The following PLEKHG1 variants were observed in gnomAD, a reference collection of about 807,000 sequenced individuals.
PLEKHG1 encodes pleckstrin homology domain-containing family G member 1.
A neutral mutation model predicts 100.8 loss-of-function variants in PLEKHG1; 44 were observed. The observed-to-expected ratio is 0.44, with a 90% confidence interval of 0.34 to 0.56. The LOEUF (loss-of-function observed/expected upper bound fraction) is 0.56. PLEKHG1 is among the 20% of genes least tolerant of loss of function. PLEKHG1 has a pLI of 0.01. For synonymous variants in PLEKHG1, 640 were observed against 662.5 expected (o/e 0.97, Z 0.52); for missense variants, 1,545 against 1,720.9 (o/e 0.90, Z 1.81).
chr6:150,719,729 G>T (rs114029800), upstream of PLEKHG1, among the ~76,000 whole-genome samples: 786 of 152,268 alleles, frequency 5.2e-3, 5 homozygotes, highest in African/African-American at 0.018. Context: ...AAGCCACAGG[G>T]GTTGCTGTGG....
intron 3 of PLEKHG1, among the ~76,000 whole-genome samples, chr6:150,704,195 C>T (rs993659794): frequency 6.6e-6 from 1 of 152,120 alleles, no homozygotes; most frequent in Admixed American, 6.5e-5. Flanking sequence ...CCTCTGAGGG[C>T]AGGGAATAGT....
chr6:150,653,568 C>T (rs1410583818), intron 3 of PLEKHG1, among the ~76,000 whole-genome samples: 1 of 152,026 alleles, frequency 6.6e-6, no homozygotes, highest in African/African-American at 2.4e-5. Flanking sequence ...TATGGCAACA[C>T]GGTGAGACCC....
intron 2 of PLEKHG1, among the ~76,000 whole-genome samples, chr6:150,753,888 C>T (rs1562488774): frequency 6.6e-6 from 1 of 152,154 alleles, no homozygotes; most frequent in Non-Finnish European, 1.5e-5. Flanking sequence ...GAGGGAGCAG[C>T]GGGGGCACCG....
In PLEKHG1 at chr6:150,626,405, G is replaced by A. The variant is rs145547320; in HGVS notation, c.-203-11675G>A. Among the ~76,000 whole-genome samples the A allele has an allele frequency of 1.2e-4, 18 of 152,266 alleles. No homozygotes were observed. The East Asian group carries it at 1.3e-3, about 11-fold the overall frequency. On this transcript the variant is annotated intron_variant, in intron 1 of 3. Coordinates refer to the PLEKHG1 transcript ENST00000367326. Reference sequence around the variant, plus strand: ...AGAACTCGCCATGCTGACCTTGGACGTTCCATTGACGCCTCGGGATCAGGA... The same window carrying A: ...AGAACTCGCCATGCTGACCTTGGACATTCCATTGACGCCTCGGGATCAGGA...
intron 2 of PLEKHG1, among the ~76,000 whole-genome samples, chr6:150,750,750 C>A (rs958564037): frequency 8.3e-6 from 1 of 120,800 alleles, no homozygotes; most frequent in Admixed American, 9.5e-5. Flanking sequence ...CACTGCACTC[C>A]AGCCTGGGCG....
In PLEKHG1 at chr6:150,779,113, T is replaced by C. The variant is rs561365549; in HGVS notation, c.513-7277T>C. Among the ~76,000 whole-genome samples, 22 of 152,244 alleles carry C rather than the reference T, an allele frequency of 1.4e-4. No homozygotes were observed. The East Asian group carries it at 4.1e-3, about 28-fold the overall frequency. On this transcript the variant is annotated intron_variant, in intron 3 of 15. Coordinates refer to ENST00000358517, the Ensembl canonical transcript of PLEKHG1. ...GTAAGCTACATCCTTTAATAAGCCA[T>C]GGTTTCCTCACCTTAAAATTAGGGA...
At chr6:150,626,548 A>T (rs1777521023) in intron 1 of PLEKHG1, among the ~76,000 whole-genome samples, 1 of 152,190 alleles carries the variant, frequency 6.6e-6, no homozygotes, top group South Asian at 2.1e-4. Flanking sequence ...GGCCTGCTGC[A>T]CCATGTTGGT....
chr6:150,813,304 C>CAA (rs36106888), intron 10 of PLEKHG1, among the ~76,000 whole-genome samples: 5,026 of 122,076 alleles, frequency 0.041, 128 homozygotes, highest in Non-Finnish European at 0.044. Context: ...GACTCTGTCT[C>CAA]AAAAAAAAAA....
intron 10 of PLEKHG1, among the ~76,000 whole-genome samples, chr6:150,813,102 A>G (rs1019066035): frequency 2.6e-5 from 4 of 151,918 alleles, no homozygotes; most frequent in East Asian, 3.9e-4. Flanking sequence ...TCAGGAGATC[A>G]AGACCATCCT....
chr6:150,725,705 C>T (rs930782610), intron 1 of PLEKHG1, among the ~76,000 whole-genome samples: 3 of 150,866 alleles, frequency 2.0e-5, no homozygotes, highest in Non-Finnish European at 4.4e-5. Flanking sequence ...TTTGGTGTCA[C>T]ATCCAAAAAA....
At chr6:150,619,974 G>A (rs956801760) in intron 1 of PLEKHG1, among the ~76,000 whole-genome samples, 6 of 152,278 alleles carry the variant, frequency 3.9e-5, no homozygotes, top group African/African-American at 1.2e-4. Flanking sequence ...TTGAATTAAG[G>A]AGAGTGTTTC....
At position 150,816,242 on chromosome 6, in the gene PLEKHG1, C is replaced by T. The variant is rs186593121; in HGVS notation, c.1279-1941C>T. Among the ~76,000 whole-genome samples, 72 of 143,532 alleles carry T rather than the reference C, an allele frequency of 5.0e-4. No homozygotes were observed. The Middle Eastern group carries it at 0.016, about 31-fold the overall frequency. 94.2% of individuals were successfully genotyped at this position (143,532 alleles called of 152,430 possible). A position where few individuals can be genotyped will look rare whatever the true frequency, so the allele number is the denominator to read the frequency against. ...ATAGGATGTTGGAAATGGAAGCAGGCTTTTGTGCTTTTGTGGCAATCTCAG... is the reference window on the plus strand; with the variant it reads ...ATAGGATGTTGGAAATGGAAGCAGGTTTTTGTGCTTTTGTGGCAATCTCAG... On this transcript the variant is annotated intron_variant, in intron 10 of 15. Coordinates refer to ENST00000358517, the Ensembl canonical transcript of PLEKHG1.
intron 3 of PLEKHG1, among the ~76,000 whole-genome samples, chr6:150,669,592 T>A (rs1358639183): frequency 3.4e-5 from 5 of 148,696 alleles, no homozygotes; most frequent in African/African-American, 1.2e-4. Context: ...AAAGAATTAT[T>A]CTTTTTTTTT....
chr6:150,676,668 T>G (rs376044678), intron 3 of PLEKHG1, among the ~76,000 whole-genome samples: 1 of 152,160 alleles, frequency 6.6e-6, no homozygotes, highest in African/African-American at 2.4e-5. Context: ...ACCCTGAAGG[T>G]GAAGCTGGTG....
intron 3 of PLEKHG1, among the ~76,000 whole-genome samples, chr6:150,668,190 A>G (rs956714630): frequency 6.6e-6 from 1 of 152,160 alleles, no homozygotes; most frequent in Non-Finnish European, 1.5e-5. Flanking sequence ...GTGCTTGCCA[A>G]AAGCAGACAT....
chr6:150,759,904 G>A lies in PLEKHG1; in HGVS notation c.412-8734G>A, dbSNP rs540128692. ...CCCCAGCTACTGGGAAGGCTGAGGC[G>A]GGAGATTGCTTAAGGCAGGATTTCC... On this transcript the variant is annotated intron_variant, in intron 2 of 15. Coordinates refer to ENST00000358517, the Ensembl canonical transcript of PLEKHG1. Among the ~76,000 whole-genome samples, 11 of 152,170 alleles carry A rather than the reference G, an allele frequency of 7.2e-5. No homozygotes were observed. The South Asian group carries it at 8.3e-4, about 11-fold the overall frequency.
chr6:150,670,108 T>G (rs1047720267), intron 3 of PLEKHG1, among the ~76,000 whole-genome samples: 3 of 152,340 alleles, frequency 2.0e-5, no homozygotes, highest in Admixed American at 1.3e-4. Flanking sequence ...TTATTTTTCT[T>G]CATAAGCCCC....
At chr6:150,718,945 A>C (rs1260434188), upstream of PLEKHG1, among the ~76,000 whole-genome samples, 2 of 152,164 alleles carry the variant, frequency 1.3e-5, no homozygotes, top group Non-Finnish European at 2.9e-5. Context: ...GAAAAAGCTT[A>C]ATATTTAAAA....
intron 1 of PLEKHG1, among the ~76,000 whole-genome samples, chr6:150,722,694 G>A (rs748801903): frequency 4.6e-5 from 7 of 152,068 alleles, no homozygotes; most frequent in Admixed American, 1.3e-4. Context: ...GTACTTCATG[G>A]ATTTATTTGT....
Sources: allele counts gnomAD v4.1 joint callset (sites outside exome capture counted in the v4.1 genomes callset), GRCh38; gene constraint gnomAD v4.1.1; transcripts MANE v1.5; gene names NCBI Gene and HGNC (gene_info 2026-07-23, HGNC 2026-07-21).